The following AP2A2 variants were observed in gnomAD, a reference collection of about 807,000 sequenced individuals.
AP2A2 encodes the protein AP-2 complex subunit alpha-2.
A neutral mutation model predicts 104.2 loss-of-function variants in AP2A2; 32 were observed. The observed-to-expected ratio is 0.31, with a 90% CI of 0.23 to 0.41. The LOEUF is 0.41. Among genes scored for constraint, AP2A2 ranks in the 10% least tolerant of loss-of-function variants. The pLI is 1.00. For missense variants in AP2A2, 912 were observed against 1,261.0 expected (o/e 0.72, Z 4.19); for synonymous variants, 539 against 533.3 (o/e 1.01, Z -0.15).
Position 1,011,800 on chromosome 11 carries a change from C to CG in AP2A2, c.*1178dup, listed in dbSNP as rs1856441880. On this transcript the variant is annotated 3_prime_UTR_variant, in exon 22 of 22. Transcript: ENST00000448903. ...CCCTGGCCCTCAGTTGCCTGCTGTG[C>CG]GGGTCCCTGGGGCAGCTGCAGGGGC... The CG allele has an allele frequency of 3.3e-6, 1 of 302,980 alleles. No homozygotes were observed. 18.8% of individuals were successfully genotyped at this position (302,980 alleles called of 1,614,324 possible).
intron 14 of AP2A2, chr11:995,389 G>C: frequency 2.2e-6 from 1 of 455,906 alleles, no homozygotes; most frequent in Non-Finnish European, 4.4e-6. Flanking sequence ...CTGCTTGCCA[G>C]CTGTTCCCCT....
chr11:979,428 A>T (rs1855165577), intron 5 of AP2A2, among the ~76,000 whole-genome samples: 1 of 151,916 alleles, frequency 6.6e-6, no homozygotes, highest in Non-Finnish European at 1.5e-5. Flanking sequence ...TACAGCTTTC[A>T]CATTTTCCTT....
intron 14 of AP2A2, among the ~76,000 whole-genome samples, chr11:999,162 G>A (rs1855948567): frequency 6.6e-6 from 1 of 152,184 alleles, no homozygotes; most frequent in South Asian, 2.1e-4. Flanking sequence ...CTGAGCTGCT[G>A]CTTGTGCCCT....
chr11:1,002,726 G>A (rs1856068434), intron 15 of AP2A2, among the ~76,000 whole-genome samples: 1 of 152,272 alleles, frequency 6.6e-6, no homozygotes, highest in Non-Finnish European at 1.5e-5. Flanking sequence ...AAGGTTGGCA[G>A]CACTCAGACC....
chr11:1,009,464 G>T, intron 20 of AP2A2, 67 bp downstream of exon 20: 3 of 1,497,470 alleles, frequency 2.0e-6, no homozygotes, highest in Non-Finnish European at 1.8e-6. Context: ...GGTCTGGAGG[G>T]ACGGCCCCGG....
At chr11:938,332 C>T (rs575827711) in intron 1 of AP2A2, among the ~76,000 whole-genome samples, 10 of 152,280 alleles carry the variant, frequency 6.6e-5, no homozygotes, top group South Asian at 6.2e-4. Flanking sequence ...ATGTTTATCC[C>T]GTTAACCCCT....
At chr11:939,247 CAAAA>C (rs546835879) in intron 1 of AP2A2, among the ~76,000 whole-genome samples, 1 of 51,492 alleles carries the variant, frequency 1.9e-5, no homozygotes. Context: ...GACTCTGTCT[CAAAA>C]AAAAAAAAAA....
intron 1 of AP2A2, among the ~76,000 whole-genome samples, chr11:936,246 G>GCTGT (rs1296649285): frequency 8.0e-6 from 1 of 124,842 alleles, no homozygotes; most frequent in Non-Finnish European, 1.6e-5. Flanking sequence ...ATAGGGTCTT[G>GCTGT]CTGTCGCCCA....
At chr11:939,321 C>A (rs1853568101) in intron 1 of AP2A2, among the ~76,000 whole-genome samples, 1 of 151,202 alleles carries the variant, frequency 6.6e-6, no homozygotes, top group Non-Finnish European at 1.5e-5. Context: ...ATTTCTAAAC[C>A]TGAGTGAATT....
chr11:957,963 G>A (rs1182458946), intron 1 of AP2A2, among the ~76,000 whole-genome samples: 2 of 152,230 alleles, frequency 1.3e-5, no homozygotes, highest in East Asian at 1.9e-4. Context: ...GGATATTTAC[G>A]GAACAAATGC....
At chr11:977,537 G>A (rs1404360477) in intron 5 of AP2A2, among the ~76,000 whole-genome samples, 3 of 150,450 alleles carry the variant, frequency 2.0e-5, no homozygotes, top group Admixed American at 6.6e-5. Context: ...TGTCCCGGCT[G>A]CCTGTGCCCT....
At chr11:1,000,027 C>T (rs1024055012) in intron 14 of AP2A2, among the ~76,000 whole-genome samples, 22 of 151,660 alleles carry the variant, frequency 1.5e-4, no homozygotes, top group South Asian at 4.2e-4. Context: ...AGGGTGGTCT[C>T]GATCTCCTGA....
In AP2A2 at chr11:1,011,051, T is replaced by C. The variant is rs754095853; in HGVS notation, c.*426T>C. Reference sequence around the variant, plus strand: ...TGGGCTGAGCCTTGGTGTGTGGCCGTCCTGGTGGCTGCACACCTGGCGTCG... The same window carrying C: ...TGGGCTGAGCCTTGGTGTGTGGCCGCCCTGGTGGCTGCACACCTGGCGTCG... On this transcript the variant is annotated 3_prime_UTR_variant, in exon 22 of 22. Coordinates refer to ENST00000448903, the MANE Select transcript of AP2A2 (RefSeq NM_012305.4). The C allele has an allele frequency of 3.1e-6, 2 of 641,310 alleles. No homozygotes were observed. The highest frequency in any genetic ancestry group is 6.6e-5 in the East Asian group (2 of 30,406). The allele number at this position is 641,310 out of a possible 1,614,324, so 39.7% of individuals were successfully genotyped here.
At chr11:951,539 A>G (rs927261914) in intron 1 of AP2A2, among the ~76,000 whole-genome samples, 1 of 152,192 alleles carries the variant, frequency 6.6e-6, no homozygotes, top group African/African-American at 2.4e-5. Context: ...AAAAAAAAAA[A>G]GAACGTGTGA....
At chr11:994,455 A>C (rs1345759342) in intron 14 of AP2A2, among the ~76,000 whole-genome samples, 3 of 149,280 alleles carry the variant, frequency 2.0e-5, no homozygotes, top group African/African-American at 7.5e-5. Flanking sequence ...TCCCTGCTGG[A>C]CGCCACGCTG....
chr11:1,008,236 C>G, intron 18 of AP2A2, 101 bp downstream of exon 18: 1 of 1,428,272 alleles, frequency 7.0e-7, no homozygotes, highest in Non-Finnish European at 9.2e-7. Context: ...TGAGGGGACC[C>G]GGGGCGTGCG....
chr11:936,963 C>T (rs1473929151), intron 1 of AP2A2, among the ~76,000 whole-genome samples: 2 of 152,088 alleles, frequency 1.3e-5, no homozygotes, highest in Non-Finnish European at 1.5e-5. Context: ...GCTCTTCTCT[C>T]CTCTTTCCTG....
intron 4 of AP2A2, among the ~76,000 whole-genome samples, chr11:976,167 C>G (rs1349310833): frequency 1.3e-5 from 2 of 152,110 alleles, no homozygotes; most frequent in African/African-American, 2.4e-5. Context: ...GGTGTGTGTG[C>G]GGTTGCTGCT....
chr11:996,108 G>A (rs1855849788), intron 14 of AP2A2: 1 of 152,260 alleles, frequency 6.6e-6, no homozygotes. Context: ...ATAGGTTTCT[G>A]GAGGCAGAAA....
Sources: allele counts gnomAD v4.1 joint callset (sites outside exome capture counted in the v4.1 genomes callset), GRCh38; gene constraint gnomAD v4.1.1; transcripts MANE v1.5; gene names NCBI Gene and HGNC (gene_info 2026-07-23, HGNC 2026-07-21).